The following ZNF516 variants were observed in gnomAD, a reference collection of about 807,000 sequenced individuals.
ZNF516 encodes the protein zinc finger protein 516.
In ZNF516, 19 loss-of-function variants were observed where a neutral mutation model predicts 79.7. That is an observed-to-expected ratio of 0.24 (90% confidence interval 0.17 to 0.35). The LOEUF (loss-of-function observed/expected upper bound fraction) is 0.35, where lower values mean the gene tolerates loss of function less well. Ranked by LOEUF, ZNF516 falls within the 10% of genes least tolerant of loss-of-function variation. The pLI is 1.00. For missense variants in ZNF516, 1,678 were observed against 1,679.5 expected (o/e 1.00, Z 0.02); for synonymous variants, 877 against 739.5 (o/e 1.19, Z -3.02).
chr18:76,490,893 C>G, intron 1 of ZNF516: 1 of 985,496 alleles, frequency 1.0e-6, no homozygotes, highest in Non-Finnish European at 1.2e-6. Flanking sequence ...CTGGGCTTTT[C>G]CAGGCAGTCC....
At chr18:76,400,540 G>A (rs1400136954) in intron 3 of ZNF516, among the ~76,000 whole-genome samples, 3 of 152,128 alleles carry the variant, frequency 2.0e-5, no homozygotes, top group East Asian at 1.9e-4. Flanking sequence ...TCACAACCTG[G>A]CTGGTACTGA....
chr18:76,385,023 C>T (rs2074964169), intron 3 of ZNF516, among the ~76,000 whole-genome samples: 1 of 152,242 alleles, frequency 6.6e-6, no homozygotes, highest in Non-Finnish European at 1.5e-5. Flanking sequence ...AACACTCACC[C>T]CATGCTCTCC....
chr18:76,372,088 G>A (rs2074717592), intron 4 of ZNF516, among the ~76,000 whole-genome samples: 1 of 152,232 alleles, frequency 6.6e-6, no homozygotes, highest in Non-Finnish European at 1.5e-5. Context: ...GCAGCTCTGA[G>A]GCCCCGGCCC....
rs140550896 is a variant in ZNF516, at chr18:76,434,473, C to T, written c.1810+6772G>A. Among the ~76,000 whole-genome samples, 621 of 152,316 alleles carry T rather than the reference C, an allele frequency of 4.1e-3. 3 individuals carry two copies. Among genetic ancestry groups the T allele is most frequent in the Admixed American group, 0.014 (218 of 15,308 alleles). On this transcript the variant is annotated intron_variant, in intron 3 of 6. Transcript: ENST00000443185. Reference sequence around the variant, plus strand: ...GTTCCATCCAATAAGAATCTGTAAACGCATCCACTGGCTCTGGAGTCCGAG... The same window carrying T: ...GTTCCATCCAATAAGAATCTGTAAATGCATCCACTGGCTCTGGAGTCCGAG...
chr18:76,422,386 A>G (rs1362343789), intron 3 of ZNF516, among the ~76,000 whole-genome samples: 1 of 152,248 alleles, frequency 6.6e-6, no homozygotes, highest in East Asian at 1.9e-4. Context: ...CACTCAGGCT[A>G]TGGAGCAGAG....
At chr18:76,411,563 C>T (rs60760246) in intron 3 of ZNF516, among the ~76,000 whole-genome samples, 2,831 of 152,272 alleles carry the variant, frequency 0.019, 49 homozygotes, top group African/African-American at 0.04. Flanking sequence ...AAAATTAAAA[C>T]TATAAAATAC....
chr18:76,479,859 T>C lies in ZNF516; in HGVS notation c.-272+15285A>G, dbSNP rs144357668. Among the ~76,000 whole-genome samples, 282 of 152,350 alleles carry C rather than the reference T, an allele frequency of 1.9e-3. 3 individuals carry two copies. Among genetic ancestry groups the C allele is most frequent in the African/African-American group, 6.3e-3 (262 of 41,594 alleles). On this transcript the variant is annotated intron_variant, in intron 1 of 6. Transcript: ENST00000443185. ...CCCTGACACTTCACCACTGTGGCAC[T>C]TGGGACAGGGCCTGAGGTTATTAAA...
At chr18:76,447,991 T>G (rs1402961291) in intron 2 of ZNF516, among the ~76,000 whole-genome samples, 5 of 152,206 alleles carry the variant, frequency 3.3e-5, no homozygotes, top group Admixed American at 1.3e-4. Context: ...ATAAATTTTT[T>G]TATTTCATTT....
intron 3 of ZNF516, among the ~76,000 whole-genome samples, chr18:76,382,639 A>T (rs552356726): frequency 1.3e-5 from 2 of 152,320 alleles, no homozygotes; most frequent in South Asian, 4.2e-4. Context: ...AGCCAGGCAC[A>T]GTGGCTCAGA....
At chr18:76,437,104 C>CACACACACA in intron 3 of ZNF516, among the ~76,000 whole-genome samples, 1 of 28,186 alleles carries the variant, frequency 3.5e-5, no homozygotes, top group East Asian at 1.1e-3. Context: ...ACACACATAC[C>CACACACACA]GTCTCTCACC....
At chr18:76,373,148 T>C (rs541969064) in intron 4 of ZNF516, among the ~76,000 whole-genome samples, 4 of 150,768 alleles carry the variant, frequency 2.7e-5, no homozygotes, top group Admixed American at 2.6e-4. Flanking sequence ...AGATTCTGTC[T>C]TGAATGAAAG....
At chr18:76,484,408 C>T (rs958656227) in intron 1 of ZNF516, among the ~76,000 whole-genome samples, 11 of 152,192 alleles carry the variant, frequency 7.2e-5, no homozygotes, top group Admixed American at 2.0e-4. Context: ...TAAACAATCA[C>T]GAAAGCAAAT....
At chr18:76,463,589 G>A (rs780009485) in intron 1 of ZNF516, among the ~76,000 whole-genome samples, 2 of 152,188 alleles carry the variant, frequency 1.3e-5, no homozygotes, top group African/African-American at 2.4e-5. Context: ...GGTGGCTCTC[G>A]CTCTTCTTGG....
At chr18:76,387,624 G>A (rs901519306) in intron 3 of ZNF516, 1 of 152,254 alleles carries the variant, frequency 6.6e-6, no homozygotes, top group Non-Finnish European at 1.5e-5. Flanking sequence ...AGCTGGTAAT[G>A]TAGGAGACCG....
chr18:76,488,961 G>GC (rs1251563777), intron 1 of ZNF516, among the ~76,000 whole-genome samples: 2 of 152,178 alleles, frequency 1.3e-5, no homozygotes, highest in Non-Finnish European at 2.9e-5. Flanking sequence ...ACAAAATAAT[G>GC]CATGTCTTCA....
chr18:76,478,649 A>G (rs570857311), intron 1 of ZNF516, among the ~76,000 whole-genome samples: 1 of 152,300 alleles, frequency 6.6e-6, no homozygotes, highest in Admixed American at 6.5e-5. Flanking sequence ...AAGCAGAAAA[A>G]CTTTTTCTAG....
chr18:76,443,223 A>G lies in ZNF516; in HGVS notation c.-157-12T>C. On this transcript the variant is annotated splice_polypyrimidine_tract_variant and intron_variant, in intron 2 of 6. Transcript: ENST00000443185. ...CTGGCAGCCAGCACCTGAAACAGAG[A>G]TGGAACATCATCAGCAAAGCTCCTG... 1.0e-6 allele frequency: 1 copy of G among 1,001,892 alleles called. No individual in the cohort carries two copies. The highest frequency in any genetic ancestry group is 1.9e-5 in the South Asian group (1 of 53,956). 62.1% of individuals were successfully genotyped at this position (1,001,892 alleles called of 1,614,324 possible). A position where few individuals can be genotyped will look rare whatever the true frequency, so the allele number is the denominator to read the frequency against.
chr18:76,480,033 C>A lies in ZNF516; in HGVS notation c.-272+15111G>T, dbSNP rs192624814. Among the ~76,000 whole-genome samples the A allele has an allele frequency of 2.8e-3, 426 of 152,238 alleles. 3 individuals are homozygous for A. Among genetic ancestry groups the A allele is most frequent in the African/African-American group, 9.8e-3 (406 of 41,544 alleles). ...GGAGATTTCTAACTCAACCCTGGCACCAGGCGGCGGTTTGTGGCGGGGCGC... is the reference window on the plus strand; with the variant it reads ...GGAGATTTCTAACTCAACCCTGGCAACAGGCGGCGGTTTGTGGCGGGGCGC... On this transcript the variant is annotated intron_variant, in intron 1 of 6. Transcript: ENST00000443185.
chr18:76,460,134 G>A (rs1037412610), intron 2 of ZNF516, among the ~76,000 whole-genome samples: 6 of 152,236 alleles, frequency 3.9e-5, no homozygotes, highest in Admixed American at 2.6e-4. Flanking sequence ...CCCGAAGGTT[G>A]AAACATGCGG....
Sources: gnomAD v4.1 joint callset for allele counts (sites outside exome capture counted in the v4.1 genomes callset) on GRCh38, gnomAD v4.1.1 for gene constraint, MANE v1.5 for transcripts, NCBI Gene and HGNC (gene_info 2026-07-23, HGNC 2026-07-21) for gene names.